The following SLFN12L variants were observed in gnomAD, a reference collection of about 807,000 sequenced individuals.
The protein encoded by SLFN12L is schlafen family member 12-like.
SLFN12L carries 34 observed loss-of-function variants against 34.8 expected under a neutral mutation model. The observed-to-expected ratio is 0.98, with a 90% CI of 0.74 to 1.30. SLFN12L has a LOEUF of 1.30. SLFN12L is among the 50% of genes most tolerant of loss of function. SLFN12L has a pLI of 0.00. For synonymous variants in SLFN12L, 259 were observed against 247.5 expected (o/e 1.05, Z -0.44); for missense variants, 703 against 696.2 (o/e 1.01, Z -0.11).
intron 2 of SLFN12L, among the ~76,000 whole-genome samples, chr17:35,493,248 G>A (rs1164528067): frequency 6.6e-6 from 1 of 152,210 alleles, no homozygotes; most frequent in Admixed American, 6.5e-5. Context: ...TGGGGTGGGG[G>A]AGGGAGAGGG....
At chr17:35,494,889 T>TTTTATTTAGTTA (rs150089810) in intron 2 of SLFN12L, among the ~76,000 whole-genome samples, 3 of 146,842 alleles carry the variant, frequency 2.0e-5, no homozygotes, top group Admixed American at 6.8e-5. Context: ...AATTTATTTA[T>TTTTATTTAGTTA]TTTATTTATT....
At chr17:35,496,054 A>G (rs1316106782) in intron 2 of SLFN12L, among the ~76,000 whole-genome samples, 3 of 151,930 alleles carry the variant, frequency 2.0e-5, no homozygotes, top group Non-Finnish European at 4.4e-5. Flanking sequence ...CTGGGTGCTC[A>G]GTGAGGTCGT....
chr17:35,487,363 G>C (rs1731000767), intron 2 of SLFN12L, among the ~76,000 whole-genome samples: 1 of 152,262 alleles, frequency 6.6e-6, no homozygotes, highest in Non-Finnish European at 1.5e-5. Flanking sequence ...CATTGCTACA[G>C]AGACAGGAGC....
At chr17:35,500,046 G>A (rs978755262) in intron 2 of SLFN12L, 3 of 152,234 alleles carry the variant, frequency 2.0e-5, no homozygotes, top group East Asian at 1.9e-4. Flanking sequence ...TTCTTTATAC[G>A]ATGTTAAAAA....
chr17:35,521,045 A>C (rs1358398363), intron 2 of SLFN12L, among the ~76,000 whole-genome samples: 1 of 152,188 alleles, frequency 6.6e-6, no homozygotes, highest in African/African-American at 2.4e-5. Flanking sequence ...TGTGATTTTT[A>C]AGTTGACAAC....
chr17:35,477,249 C>T (rs561171370), intron 4 of SLFN12L, among the ~76,000 whole-genome samples: 1 of 152,154 alleles, frequency 6.6e-6, no homozygotes, highest in South Asian at 2.1e-4. Context: ...ATGAAATAGC[C>T]CCCTACATCA....
intron 2 of SLFN12L, among the ~76,000 whole-genome samples, chr17:35,495,218 T>A (rs926101954): frequency 7.9e-5 from 12 of 152,128 alleles, no homozygotes; most frequent in Admixed American, 5.9e-4. Context: ...TTCGATTTTT[T>A]AAATATTGTT....
chr17:35,490,334 T>G (rs1914785355), intron 2 of SLFN12L: 3 of 1,401,862 alleles, frequency 2.1e-6, no homozygotes, highest in African/African-American at 2.8e-5. Flanking sequence ...AACTCCAAAA[T>G]CTACCTCAGA....
Position 35,467,961 on chromosome 17 carries a change from G to T in SLFN12L, c.*6962C>A, listed in dbSNP as rs890562629. 1.3e-5 allele frequency among the ~76,000 whole-genome samples: 2 copies of T among 152,168 alleles called. No individual in the cohort carries two copies. Among genetic ancestry groups the T allele is most frequent in the Admixed American group, 6.6e-5 (1 of 15,266 alleles). On this transcript the variant is annotated 3_prime_UTR_variant, in exon 5 of 5. Transcript: ENST00000628453. ...GTCTCACTCTGTTACCCAGGCTGGA[G>T]TGCAGTGGCGTGATCACGATTCACT...
At chr17:35,511,916 A>C (rs1329763368) in intron 2 of SLFN12L, among the ~76,000 whole-genome samples, 1 of 152,202 alleles carries the variant, frequency 6.6e-6, no homozygotes, top group Non-Finnish European at 1.5e-5. Context: ...CATATTTTCC[A>C]CTTCCAAAGT....
chr17:35,480,449 G>A (rs1390849295), intron 2 of SLFN12L: 7 of 355,704 alleles, frequency 2.0e-5, no homozygotes, highest in Non-Finnish European at 3.5e-5. Flanking sequence ...TTATGTGTTC[G>A]TTGTGTCCTT....
chr17:35,495,948 A>ACAC (rs1567665578), intron 2 of SLFN12L, among the ~76,000 whole-genome samples: 8 of 133,828 alleles, frequency 6.0e-5, no homozygotes, highest in African/African-American at 2.0e-4. Context: ...CACACACACA[A>ACAC]CAAAACGCCA....
At chr17:35,475,848 T>C (rs1308722803) in intron 4 of SLFN12L, among the ~76,000 whole-genome samples, 1 of 151,878 alleles carries the variant, frequency 6.6e-6, no homozygotes, top group Non-Finnish European at 1.5e-5. Flanking sequence ...TGCAGTGAGC[T>C]GAGATCATGC....
chr17:35,523,727 G>C (rs1335521376), intron 1 of SLFN12L, among the ~76,000 whole-genome samples: 1 of 152,164 alleles, frequency 6.6e-6, no homozygotes, highest in Non-Finnish European at 1.5e-5. Flanking sequence ...TTGAGCCCAG[G>C]AGTGCGAGAC....
chr17:35,531,303 T>C (rs182024803), intron 1 of SLFN12L, among the ~76,000 whole-genome samples: 1 of 152,308 alleles, frequency 6.6e-6, no homozygotes, highest in Non-Finnish European at 1.5e-5. Flanking sequence ...ACAAATAAAA[T>C]GGTGGTTGAT....
At chr17:35,490,098 C>T in intron 2 of SLFN12L, 6 of 1,606,390 alleles carry the variant, frequency 3.7e-6, no homozygotes, top group South Asian at 2.2e-5. Context: ...CTCCCCAGTG[C>T]CCCAGGCGCG....
intron 2 of SLFN12L, among the ~76,000 whole-genome samples, chr17:35,491,677 C>T (rs1914844278): frequency 1.3e-5 from 2 of 152,228 alleles, no homozygotes; most frequent in South Asian, 4.1e-4. Context: ...CCACAGAATG[C>T]ATGTCTTTGA....
intron 2 of SLFN12L, chr17:35,487,937 G>A (rs1316007233): frequency 2.9e-6 from 2 of 700,222 alleles, no homozygotes; most frequent in East Asian, 2.7e-5. Context: ...CGACGGGCGC[G>A]GTGACTCACG....
rs1464401434 is a variant in SLFN12L, at chr17:35,465,259, A to G, written c.*9664T>C. On this transcript the variant is annotated 3_prime_UTR_variant, in exon 5 of 5. Coordinates refer to ENST00000628453, the MANE Select transcript of SLFN12L (RefSeq NM_001363830.2). The stretch of plus-strand genomic sequence containing the variant: ...AACCTCGTGGACTTAATAAATACTC[A>G]AATTATACTTATGCCTGAGGTTCCA... 6.6e-6 allele frequency among the ~76,000 whole-genome samples: 1 copy of G among 152,174 alleles called. No individual in the cohort carries two copies. The highest frequency in any genetic ancestry group is 6.5e-5 in the Admixed American group (1 of 15,282).
Sources: allele counts gnomAD v4.1 joint callset (sites outside exome capture counted in the v4.1 genomes callset), GRCh38; gene constraint gnomAD v4.1.1; transcripts MANE v1.5; gene names NCBI Gene and HGNC (gene_info 2026-07-23, HGNC 2026-07-21).